SLIT1: variants seen among roughly 807,000 people sequenced by gnomAD.
SLIT1 encodes slit homolog 1 protein.
In SLIT1, 66 loss-of-function variants were observed where a neutral mutation model predicts 186.1. That is an observed-to-expected ratio of 0.35 (90% CI 0.29 to 0.44). The LOEUF is 0.44. SLIT1 is among the 20% of genes least tolerant of loss of function. The pLI, the probability that SLIT1 is intolerant of heterozygous loss-of-function variation, is 1.00. For synonymous variants in SLIT1, 761 were observed against 833.8 expected (o/e 0.91, Z 1.50); for missense variants, 1,638 against 2,037.4 (o/e 0.80, Z 3.77).
chr10:97,158,745 T>C (rs1409670747), intron 3 of SLIT1, among the ~76,000 whole-genome samples: 1 of 151,588 alleles, frequency 6.6e-6, no homozygotes, highest in Non-Finnish European at 1.5e-5. Flanking sequence ...CCAGGCATGA[T>C]GGCATGCACC....
chr10:97,147,153 T>C (rs1307920504), intron 4 of SLIT1, among the ~76,000 whole-genome samples: 1 of 152,120 alleles, frequency 6.6e-6, no homozygotes, highest in Non-Finnish European at 1.5e-5. Flanking sequence ...AAAAGTGCTA[T>C]GTTAAGTGAA....
chr10:97,024,994 G>A (rs1848532669), intron 25 of SLIT1, among the ~76,000 whole-genome samples: 1 of 152,234 alleles, frequency 6.6e-6, no homozygotes, highest in South Asian at 2.1e-4. Context: ...TGCAGGCCAG[G>A]AGCGATGGCT....
intron 28 of SLIT1, 99 bp from the exon 29 acceptor site, chr10:97,014,257 C>A: frequency 7.0e-7 from 1 of 1,422,468 alleles, no homozygotes; most frequent in South Asian, 1.2e-5. Context: ...AGTTAGGGTC[C>A]CTAATCCCGG....
At chr10:97,073,417 G>A (rs751513295) in intron 4 of SLIT1, among the ~76,000 whole-genome samples, 1 of 152,182 alleles carries the variant, frequency 6.6e-6, no homozygotes, top group African/African-American at 2.4e-5. Flanking sequence ...GGAAGCGGGC[G>A]GGATCTGCGA....
chr10:97,164,627 G>A (rs1034934684), intron 2 of SLIT1, among the ~76,000 whole-genome samples, 192 bp downstream of exon 2: 5 of 151,964 alleles, frequency 3.3e-5, no homozygotes, highest in African/African-American at 7.3e-5. Flanking sequence ...ACAGGGCGAC[G>A]GACCTTATGA....
chr10:97,163,690 C>T (rs192053774), intron 2 of SLIT1, among the ~76,000 whole-genome samples: 66 of 152,350 alleles, frequency 4.3e-4, no homozygotes, highest in Middle Eastern at 6.8e-3. Flanking sequence ...CTTACCTCAC[C>T]ACAAAATGCA....
At chr10:97,080,574 T>TC (rs1335439034) in intron 4 of SLIT1, among the ~76,000 whole-genome samples, 1 of 152,226 alleles carries the variant, frequency 6.6e-6, no homozygotes, top group East Asian at 1.9e-4. Context: ...CCCAGCCACT[T>TC]CCTGTAGGAA....
At chr10:97,008,118 A>G (rs1242907259) in intron 31 of SLIT1, among the ~76,000 whole-genome samples, 2 of 152,206 alleles carry the variant, frequency 1.3e-5, no homozygotes, top group East Asian at 1.9e-4. Flanking sequence ...ATGATCTTAT[A>G]TAAGAAAATC....
intron 4 of SLIT1, among the ~76,000 whole-genome samples, chr10:97,132,822 C>T (rs1422118617): frequency 6.6e-6 from 1 of 152,208 alleles, no homozygotes; most frequent in African/African-American, 2.4e-5. Flanking sequence ...CTCCTGGCTC[C>T]TAACCCATCC....
At chr10:97,129,270 T>C (rs1169831246) in intron 4 of SLIT1, among the ~76,000 whole-genome samples, 3 of 151,860 alleles carry the variant, frequency 2.0e-5, no homozygotes, top group Admixed American at 1.3e-4. Context: ...GGTGTGGTGA[T>C]GTGTGCCTGT....
At chr10:97,104,270 G>T (rs1479250955) in intron 4 of SLIT1, among the ~76,000 whole-genome samples, 2 of 152,096 alleles carry the variant, frequency 1.3e-5, no homozygotes, top group Non-Finnish European at 2.9e-5. Flanking sequence ...CCAGAAGCAG[G>T]AATATGCTTA....
Position 97,096,439 on chromosome 10 carries a change from G to A in SLIT1, c.414-30353C>T, listed in dbSNP as rs540216198. 7.2e-4 allele frequency among the ~76,000 whole-genome samples: 109 copies of A among 151,456 alleles called. 4 individuals are homozygous for A. The South Asian group carries it at 0.022, about 30-fold the overall frequency. On this transcript the variant is annotated intron_variant, in intron 4 of 36. Transcript: ENST00000266058. ...CTGCCCTCCCCACCACTCTCTGAGC[G>A]CACCTCTGGCAGAGCTGCCTTGCCA... is the stretch of plus-strand genomic sequence containing the variant.
rs1268523689 is a variant in SLIT1 at position 97,004,010 on chromosome 10, C to A, written c.3865+58G>T. On this transcript the variant is annotated intron_variant, in intron 34 of 36. Transcript: ENST00000266058. This position sits in a 1 kb window ranked among gnomAD's most constrained non-coding sequence, Gnocchi z 5.1. ...ACAGTGCAGTCCCTAGGCACCAGCTCTCCTGGCTGGCCTCAGGCCAGACAG... is the reference window on the plus strand; with the variant it reads ...ACAGTGCAGTCCCTAGGCACCAGCTATCCTGGCTGGCCTCAGGCCAGACAG... The A allele has an allele frequency of 5.4e-6, 8 of 1,478,980 alleles. No individual in the cohort carries two copies. The highest frequency in any genetic ancestry group is 1.4e-5 in the African/African-American group (1 of 71,450). 91.6% of individuals were successfully genotyped at this position (1,478,980 alleles called of 1,614,324 possible).
chr10:97,011,289 T>A (rs1374585695), intron 30 of SLIT1, among the ~76,000 whole-genome samples, 159 bp from the exon 31 acceptor site: 1 of 152,054 alleles, frequency 6.6e-6, no homozygotes, highest in Non-Finnish European at 1.5e-5. Context: ...CACAGAGCTC[T>A]GGATCTAAAA....
At chr10:97,167,897 C>G (rs1242123275) in intron 1 of SLIT1, among the ~76,000 whole-genome samples, 1 of 152,316 alleles carries the variant, frequency 6.6e-6, no homozygotes, top group African/African-American at 2.4e-5. Flanking sequence ...CCCCTTCCGC[C>G]ATGATTGTAA....
chr10:97,168,090 T>A (rs1429906327), intron 1 of SLIT1, among the ~76,000 whole-genome samples: 2 of 152,238 alleles, frequency 1.3e-5, no homozygotes, highest in Non-Finnish European at 2.9e-5. Flanking sequence ...GCATGCCACA[T>A]AACAATGGCT....
intron 4 of SLIT1, among the ~76,000 whole-genome samples, chr10:97,066,415 A>T (rs531322162): frequency 6.6e-6 from 1 of 152,242 alleles, no homozygotes; most frequent in Non-Finnish European, 1.5e-5. Context: ...CACCTGATGT[A>T]GTTTGGATAT....
chr10:97,163,157 C>T (rs1228293148), intron 3 of SLIT1, among the ~76,000 whole-genome samples: 1 of 152,228 alleles, frequency 6.6e-6, no homozygotes, highest in Non-Finnish European at 1.5e-5. Context: ...GGGACAGTTG[C>T]ATGGAGAATG....
chr10:97,156,695 G>T (rs901933348), intron 4 of SLIT1, among the ~76,000 whole-genome samples: 1 of 152,216 alleles, frequency 6.6e-6, no homozygotes, highest in African/African-American at 2.4e-5. Context: ...TGTTTAATCA[G>T]AGGAGACAAA....
Sources: gnomAD v4.1 joint callset for allele counts (sites outside exome capture counted in the v4.1 genomes callset) on GRCh38, gnomAD v4.1.1 for gene constraint, Gnocchi (gnomAD v3.1) non-coding constraint, MANE v1.5 for transcripts, NCBI Gene and HGNC (gene_info 2026-07-23, HGNC 2026-07-21) for gene names.